TRIM14: variants seen among roughly 807,000 people sequenced by gnomAD.
TRIM14 encodes the protein tripartite motif-containing protein 14.
Under a neutral mutation model 44.5 loss-of-function variants are expected in TRIM14, and 28 were observed. That is an observed-to-expected ratio of 0.63 (90% CI 0.47 to 0.86). The LOEUF (loss-of-function observed/expected upper bound fraction) is 0.86, where lower values mean the gene tolerates loss of function less well. Ranked by LOEUF, TRIM14 falls within the 40% of genes least tolerant of loss-of-function variation. The pLI is 0.00. For missense variants in TRIM14, 607 were observed against 611.1 expected (o/e 0.99, Z 0.07); for synonymous variants, 299 against 269.2 (o/e 1.11, Z -1.08).
At chr9:98,041,689 GT>G in the TRIM14 span, among the ~76,000 whole-genome samples, 80 of 141,476 alleles carry the variant, frequency 5.7e-4, no homozygotes, top group African/African-American at 1.6e-3. Context: ...TTTTGTTTTC[GT>G]TTTTTTTTTT....
At chr9:98,046,597 A>G in the TRIM14 span, among the ~76,000 whole-genome samples, 1 of 151,954 alleles carries the variant, frequency 6.6e-6, no homozygotes, top group African/African-American at 2.4e-5. Context: ...ATGCGCCACC[A>G]CACTCGGCTA....
the TRIM14 span, among the ~76,000 whole-genome samples, chr9:98,039,444 AC>A: frequency 1.3e-5 from 2 of 152,162 alleles, no homozygotes; most frequent in African/African-American, 4.8e-5. Flanking sequence ...TATAGTTTAA[AC>A]AAAGACAGTA....
chr9:98,036,128 C>T, the TRIM14 span, among the ~76,000 whole-genome samples: 4 of 150,434 alleles, frequency 2.7e-5, no homozygotes, highest in Non-Finnish European at 4.4e-5. Flanking sequence ...ACCCAGGAAG[C>T]GGAGGTTGCA....
chr9:98,067,618 T>C (rs1829186243), downstream of TRIM14, among the ~76,000 whole-genome samples: 1 of 152,248 alleles, frequency 6.6e-6, no homozygotes, highest in Non-Finnish European at 1.5e-5. Context: ...TATTTTTTCA[T>C]GTATAGCCTT....
intron 3 of TRIM14, among the ~76,000 whole-genome samples, chr9:98,097,450 C>G (rs1189832390): frequency 3.9e-5 from 6 of 152,224 alleles, no homozygotes; most frequent in Non-Finnish European, 7.3e-5. Flanking sequence ...TGCTCCTACT[C>G]ATTGTCCAGC....
chr9:98,066,847 C>T (rs970636887), downstream of TRIM14, among the ~76,000 whole-genome samples: 1 of 152,116 alleles, frequency 6.6e-6, no homozygotes, highest in African/African-American at 2.4e-5. Flanking sequence ...GACAGGGTTT[C>T]ACCATGTTGA....
chr9:98,064,803 G>A (rs1023889311), downstream of TRIM14, among the ~76,000 whole-genome samples: 7 of 152,148 alleles, frequency 4.6e-5, no homozygotes, highest in African/African-American at 1.4e-4. Flanking sequence ...TTCCCAGAGC[G>A]TAGACTCCCA....
At chr9:98,051,783 C>A in the TRIM14 span, among the ~76,000 whole-genome samples, 1 of 151,984 alleles carries the variant, frequency 6.6e-6, no homozygotes, top group African/African-American at 2.4e-5. Flanking sequence ...GGAAATGCTA[C>A]CAGAGAAGAT....
intron 5 of TRIM14, among the ~76,000 whole-genome samples, chr9:98,088,474 C>G (rs1460584463): frequency 6.6e-6 from 1 of 152,182 alleles, no homozygotes; most frequent in African/African-American, 2.4e-5. Context: ...CCTGCCTCAG[C>G]CTCCCGAGTA....
intron 2 of TRIM14, among the ~76,000 whole-genome samples, chr9:98,105,057 C>T (rs1246197450): frequency 6.6e-6 from 1 of 152,172 alleles, no homozygotes; most frequent in Non-Finnish European, 1.5e-5. Context: ...GCAATGGACA[C>T]CAGTGGCCTT....
intron 1 of TRIM14, among the ~76,000 whole-genome samples, chr9:98,111,471 G>C (rs1470556468): frequency 6.6e-6 from 1 of 152,104 alleles, no homozygotes; most frequent in Non-Finnish European, 1.5e-5. Context: ...AATGCCTCAA[G>C]TTCCAGCTGC....
the TRIM14 span, among the ~76,000 whole-genome samples, chr9:98,061,582 T>A: frequency 7.0e-6 from 1 of 143,266 alleles, no homozygotes; most frequent in African/African-American, 2.6e-5. Flanking sequence ...GAGATCAAGA[T>A]CATCCTGGCC....
intron 2 of TRIM14, among the ~76,000 whole-genome samples, chr9:98,101,180 G>C (rs1320715104): frequency 6.6e-6 from 1 of 151,860 alleles, no homozygotes; most frequent in Admixed American, 6.6e-5. Flanking sequence ...TCACCATGTT[G>C]GTCAGGCTGG....
At chr9:98,081,313 C>T (rs1829851136), downstream of TRIM14, 1 of 586,558 alleles carries the variant, frequency 1.7e-6, no homozygotes, top group South Asian at 2.1e-5. Context: ...GTTTCTCTGG[C>T]CACCTAGGGT....
rs757198553 is a variant in TRIM14, at chr9:98,091,933, G to C, written c.769C>G (p.Pro257Ala). 6.2e-7 allele frequency: 1 copy of C among 1,610,272 alleles called. No homozygotes were observed. Among genetic ancestry groups the C allele is most frequent in the South Asian group, 1.1e-5 (1 of 90,620 alleles). ...CATTTCAGCAATAGCGATCGCTCTGGTGAGGGGCTGGTTTTCAACAAGGTA... is the reference window on the plus strand; with the variant it reads ...CATTTCAGCAATAGCGATCGCTCTGCTGAGGGGCTGGTTTTCAACAAGGTA... ...PGTLLKTSPSPERSLLLKYAR... is the reference protein window; with the variant it reads ...PGTLLKTSPSAERSLLLKYAR... Residue 257 changes from proline (P) to alanine (A), a missense_variant, in exon 5 of 6, where the codon CCA becomes GCA. Pro to Ala is a conservative substitution (Grantham distance 27). Transcript: ENST00000341469.
chr9:98,114,402 C>T (rs900212057), intron 1 of TRIM14, among the ~76,000 whole-genome samples: 2 of 151,972 alleles, frequency 1.3e-5, no homozygotes, highest in East Asian at 1.9e-4. Context: ...GGCGTAATCT[C>T]GGCTCACTGC....
At chr9:98,061,003 T>G in the TRIM14 span, 1 of 1,612,644 alleles carries the variant, frequency 6.2e-7, no homozygotes, top group Non-Finnish European at 8.5e-7. Context: ...ATGAGGTGAG[T>G]CCTCTGCTGC....
downstream of TRIM14, chr9:98,083,138 G>A (rs890606030): frequency 2.9e-5 from 39 of 1,333,396 alleles, no homozygotes; most frequent in Admixed American, 2.5e-4. Context: ...CAGGAATGGC[G>A]GTCTCCAGGG....
chr9:98,100,145 T>C lies in TRIM14; in HGVS notation c.323A>G (p.Lys108Arg). 1 of 1,614,216 alleles carries C rather than the reference T, an allele frequency of 6.2e-7. No homozygotes were observed. The highest frequency in any genetic ancestry group is 1.1e-5 in the South Asian group (1 of 91,090). ...AGTGAATTTCCCCTTCAGCCAGGTTTTACTTGACTCTGCATTAGCCTAAAA... is the reference window on the plus strand; with the variant it reads ...AGTGAATTTCCCCTTCAGCCAGGTTCTACTTGACTCTGCATTAGCCTAAAA... Reference protein sequence around the residue: ...EKLKANAESSKTWLKGKFTEL... With the variant: ...EKLKANAESSRTWLKGKFTEL... Residue 108 changes from lysine to arginine, a missense_variant, in exon 3 of 6, where the codon AAA becomes AGA. By Grantham distance (26) the Lys-to-Arg change is conservative. Transcript: ENST00000341469.
Sources: allele counts gnomAD v4.1 joint callset (sites outside exome capture counted in the v4.1 genomes callset), GRCh38; gene constraint gnomAD v4.1.1; transcripts MANE v1.5; gene names NCBI Gene and HGNC (gene_info 2026-07-23, HGNC 2026-07-21).